HERC3: variants seen among roughly 807,000 people sequenced by gnomAD.
The protein encoded by HERC3 is probable E3 ubiquitin-protein ligase HERC3.
Under a neutral mutation model 129.9 loss-of-function variants are expected in HERC3, and 58 were observed. The ratio of observed to expected loss-of-function variants is 0.45; its 90% CI spans 0.36 to 0.56. HERC3 has a LOEUF of 0.56. HERC3 is among the 20% of genes least tolerant of loss of function. The probability of loss-of-function intolerance (pLI) is 0.00; values close to 1 mark genes in which losing one functional copy is unlikely to be tolerated. For missense variants in HERC3, 835 were observed against 1,244.2 expected (o/e 0.67, Z 4.95); for synonymous variants, 430 against 451.0 (o/e 0.95, Z 0.59).
intron 10 of HERC3, among the ~76,000 whole-genome samples, chr4:88,661,065 A>G (rs1213377832): frequency 6.6e-6 from 1 of 152,210 alleles, no homozygotes; most frequent in Non-Finnish European, 1.5e-5. Flanking sequence ...TTTATTGGAC[A>G]TATGATGAGG....
the HERC3 span, among the ~76,000 whole-genome samples, chr4:88,540,532 A>G: frequency 2.6e-5 from 4 of 152,254 alleles, no homozygotes; most frequent in African/African-American, 4.8e-5. Flanking sequence ...TCAGGATATT[A>G]TCAAGGAGAA....
intron 3 of HERC3, among the ~76,000 whole-genome samples, chr4:88,615,458 T>G (rs1286102025): frequency 6.6e-6 from 1 of 152,242 alleles, no homozygotes; most frequent in Non-Finnish European, 1.5e-5. Context: ...CCATCATTTT[T>G]TCACTTATTA....
the HERC3 span, among the ~76,000 whole-genome samples, chr4:88,552,149 C>T: frequency 3.2e-5 from 2 of 62,562 alleles, no homozygotes; most frequent in East Asian, 7.1e-4. Context: ...TGGGGGGAGG[C>T]GGGAGGGATA....
At chr4:88,688,395 G>T (rs1357137174) in intron 23 of HERC3, among the ~76,000 whole-genome samples, 2 of 152,124 alleles carry the variant, frequency 1.3e-5, no homozygotes, top group Non-Finnish European at 2.9e-5. Context: ...GAAATAGACC[G>T]TGTGCAGGGA....
intron 2 of HERC3, among the ~76,000 whole-genome samples, chr4:88,601,623 A>G (rs2149181258): frequency 6.6e-6 from 1 of 152,358 alleles, no homozygotes; most frequent in African/African-American, 2.4e-5. Context: ...GATGAAATGA[A>G]TGTACCAATG....
intron 3 of HERC3, among the ~76,000 whole-genome samples, chr4:88,606,400 C>T (rs575460283): frequency 9.2e-5 from 14 of 152,026 alleles, no homozygotes; most frequent in Non-Finnish European, 1.5e-4. Context: ...TACAGACATG[C>T]GCCACCACAA....
chr4:88,698,247 T>C (rs1734882387), intron 23 of HERC3, among the ~76,000 whole-genome samples: 1 of 152,134 alleles, frequency 6.6e-6, no homozygotes, highest in Non-Finnish European at 1.5e-5. Context: ...TCCTCCGCAT[T>C]CCTCTCCATG....
chr4:88,670,367 G>T, intron 16 of HERC3, 115 bp downstream of exon 16: 3 of 699,646 alleles, frequency 4.3e-6, no homozygotes, highest in Non-Finnish European at 4.8e-6. Context: ...TCTTCATCCA[G>T]CTGGCCTTTT....
chr4:88,557,352 C>G, the HERC3 span, among the ~76,000 whole-genome samples: 1 of 152,186 alleles, frequency 6.6e-6, no homozygotes, highest in Non-Finnish European at 1.5e-5. Flanking sequence ...GTCATAAATA[C>G]AGTCAAATCT....
the HERC3 span, among the ~76,000 whole-genome samples, chr4:88,529,354 G>A: frequency 4.5e-4 from 68 of 152,338 alleles, no homozygotes; most frequent in African/African-American, 1.5e-3. Flanking sequence ...CTACTCAGGA[G>A]GCTGAGGAAG....
intron 14 of HERC3, 135 bp from the exon 15 acceptor site, chr4:88,669,725 A>G (rs1731414206): frequency 1.5e-6 from 1 of 683,930 alleles, no homozygotes; most frequent in East Asian, 2.7e-5. Context: ...GATTCTTTTT[A>G]AAGTCAGTTT....
chr4:88,540,462 A>G, the HERC3 span, among the ~76,000 whole-genome samples: 5 of 152,250 alleles, frequency 3.3e-5, no homozygotes, highest in African/African-American at 1.2e-4. Context: ...GACCAAATCT[A>G]CGTTTGACTG....
chr4:88,612,497 T>G (rs1487959632), intron 3 of HERC3, among the ~76,000 whole-genome samples: 1 of 152,074 alleles, frequency 6.6e-6, no homozygotes, highest in African/African-American at 2.4e-5. Flanking sequence ...CCAGAAGCAT[T>G]TTTCAGATGT....
At position 88,665,129 on chromosome 4, in the gene HERC3, A is replaced by G. The variant is rs548747527; in HGVS notation, c.1331+917A>G. Among the ~76,000 whole-genome samples, 22 of 152,344 alleles carry G rather than the reference A, an allele frequency of 1.4e-4. No individual in the cohort carries two copies. The South Asian group carries it at 4.3e-3, about 30-fold the overall frequency. On this transcript the variant is annotated intron_variant, in intron 12 of 25. Coordinates refer to ENST00000402738, the MANE Select transcript of HERC3 (RefSeq NM_014606.3). Reference sequence around the variant, plus strand: ...ACTCAAGGTTCTTCAGAGAAATGGAACAAATAGGAGAGAGATAAATAGATA... The same window carrying G: ...ACTCAAGGTTCTTCAGAGAAATGGAGCAAATAGGAGAGAGATAAATAGATA...
chr4:88,610,656 G>C (rs1173758825), intron 3 of HERC3, among the ~76,000 whole-genome samples: 1 of 152,166 alleles, frequency 6.6e-6, no homozygotes, highest in Non-Finnish European at 1.5e-5. Context: ...CCTCACTGCA[G>C]AGTCAGTTGC....
intron 12 of HERC3, among the ~76,000 whole-genome samples, chr4:88,667,127 CAG>C (rs1443665329): frequency 6.6e-6 from 1 of 152,064 alleles, no homozygotes; most frequent in Non-Finnish European, 1.5e-5. Context: ...TGAAGGAAAA[CAG>C]ATTTAAAAAT....
chr4:88,564,330 CTATT>C, the HERC3 span, among the ~76,000 whole-genome samples: 5 of 152,310 alleles, frequency 3.3e-5, no homozygotes, highest in Admixed American at 6.5e-5. Flanking sequence ...ACTCCCTTCT[CTATT>C]TAGTTTGACT....
chr4:88,618,980 AG>A (rs11354728), intron 3 of HERC3, among the ~76,000 whole-genome samples: 8,276 of 152,274 alleles, frequency 0.054, 600 homozygotes, highest in East Asian at 0.27. Flanking sequence ...GTGTCCAGCC[AG>A]GGGAGCTGTA....
At chr4:88,642,540 C>T (rs1728234389) in intron 3 of HERC3, among the ~76,000 whole-genome samples, 1 of 152,188 alleles carries the variant, frequency 6.6e-6, no homozygotes, top group Admixed American at 6.5e-5. Context: ...TTATTCTTAA[C>T]AGTTCTGGAG....
Sources: allele counts gnomAD v4.1 joint callset (sites outside exome capture counted in the v4.1 genomes callset), GRCh38; gene constraint gnomAD v4.1.1; transcripts MANE v1.5; gene names NCBI Gene and HGNC (gene_info 2026-07-23, HGNC 2026-07-21).